Variants in RAP1GAP observed in about 807,000 individuals in gnomAD.
RAP1GAP encodes the protein rap1 GTPase-activating protein 1.
In RAP1GAP, 35 loss-of-function variants were observed where a neutral mutation model predicts 87.2. That is an observed-to-expected ratio of 0.40 (90% CI 0.31 to 0.53). The LOEUF is 0.53. RAP1GAP is among the 20% of genes least tolerant of loss of function. The probability of loss-of-function intolerance (pLI) is 0.48; values close to 1 mark genes in which losing one functional copy is unlikely to be tolerated. For missense variants in RAP1GAP, 734 were observed against 898.9 expected (o/e 0.82, Z 2.35); for synonymous variants, 375 against 363.9 (o/e 1.03, Z -0.35).
intron 2 of RAP1GAP, among the ~76,000 whole-genome samples, chr1:21,643,422 G>A (rs1048565523): frequency 1.3e-5 from 2 of 152,046 alleles, no homozygotes; most frequent in Non-Finnish European, 2.9e-5. Context: ...GCTGGGCATG[G>A]TGGCACACGC....
In RAP1GAP at chr1:21,603,022, A is replaced by G; in HGVS notation, c.1429-109T>C. 2 of 733,102 alleles carry G rather than the reference A, an allele frequency of 2.7e-6. No homozygotes were observed. Among genetic ancestry groups the G allele is most frequent in the Non-Finnish European group, 4.4e-6 (2 of 451,720 alleles). 45.4% of individuals were successfully genotyped at this position (733,102 alleles called of 1,614,324 possible). A position where few individuals can be genotyped will look rare whatever the true frequency, so the allele number is the denominator to read the frequency against. ...CCCAGGCCCTGAAGCAGAGTTGATG[A>G]GCAAGAAAGAACGAGAGAAGATATC... On this transcript the variant is annotated intron_variant, in intron 18 of 24. Coordinates refer to ENST00000374765, the MANE Select transcript of RAP1GAP (RefSeq NM_002885.4). This position sits in a 1 kb window ranked among gnomAD's most constrained non-coding sequence, Gnocchi z 6.0.
At chr1:21,656,423 A>C (rs79574920) in intron 1 of RAP1GAP, among the ~76,000 whole-genome samples, 4 of 129,534 alleles carry the variant, frequency 3.1e-5, no homozygotes, top group South Asian at 2.4e-4. Flanking sequence ...CATCTAAAAA[A>C]AAAAAAAAAA....
At chr1:21,627,626 G>C (rs1263142523) in intron 2 of RAP1GAP, among the ~76,000 whole-genome samples, 2 of 151,902 alleles carry the variant, frequency 1.3e-5, no homozygotes, top group Admixed American at 1.3e-4. Context: ...TGTTGGTCAG[G>C]CTGGTCTCGA....
In RAP1GAP at chr1:21,640,200, T is replaced by C. The variant is rs895529896; in HGVS notation, c.-113+9561A>G. Among the ~76,000 whole-genome samples, 93 of 151,984 alleles carry C rather than the reference T, an allele frequency of 6.1e-4. 4 individuals are homozygous for C. Among genetic ancestry groups the C allele is most frequent in the East Asian group, 3.9e-4 (2 of 5,154 alleles). ...CTGTGCCCCCTGCCTGTTACCCCCTTCCCGTCCGCTTGGATCACATTTCAG... is the reference window on the plus strand; with the variant it reads ...CTGTGCCCCCTGCCTGTTACCCCCTCCCCGTCCGCTTGGATCACATTTCAG... On this transcript the variant is annotated intron_variant, in intron 2 of 24. Coordinates refer to ENST00000374765, the MANE Select transcript of RAP1GAP (RefSeq NM_002885.4).
At chr1:21,644,551 G>A (rs1307703643) in intron 2 of RAP1GAP, among the ~76,000 whole-genome samples, 1 of 152,140 alleles carries the variant, frequency 6.6e-6, no homozygotes, top group Non-Finnish European at 1.5e-5. Context: ...AGCCTGGCAC[G>A]CGCTCAGCTC....
intron 16 of RAP1GAP, 50 bp from the exon 17 acceptor site, chr1:21,608,400 C>T (rs1293507392): frequency 1.3e-6 from 2 of 1,586,360 alleles, no homozygotes; most frequent in Non-Finnish European, 1.7e-6. Context: ...ATCAGCCCTT[C>T]GGCCCACAGT....
chr1:21,664,749 A>AT lies in RAP1GAP; in HGVS notation c.-149+4504dup, dbSNP rs11286737. 2.1e-3 allele frequency among the ~76,000 whole-genome samples: 317 copies of AT among 151,678 alleles called. 2 individuals are homozygous for AT. Among genetic ancestry groups the AT allele is most frequent in the Non-Finnish European group, 3.5e-3 (235 of 67,916 alleles). On this transcript the variant is annotated intron_variant, in intron 1 of 24. Coordinates refer to ENST00000374765, the MANE Select transcript of RAP1GAP (RefSeq NM_002885.4). ...CAAAACACTGAAGAAAAGGCTTATT[A>AT]TTTTTTTTTTCTGGCTGTAGAGAAG...
Position 21,615,541 on chromosome 1 carries a change from A to C in RAP1GAP, c.292-1452T>G, listed in dbSNP as rs2081474086. ...TGAGTAGCTGGGATTACAGGCGCCC[A>C]GCACCACACCTGGCTAATTTTTGTA... On this transcript the variant is annotated intron_variant, in intron 7 of 24. Transcript: ENST00000374765. The surrounding 1 kb of genome is among the most constrained non-coding windows in gnomAD (Gnocchi z 4.5). 6.6e-6 allele frequency among the ~76,000 whole-genome samples: 1 copy of C among 152,102 alleles called. No homozygotes were observed. Among genetic ancestry groups the C allele is most frequent in the South Asian group, 2.1e-4 (1 of 4,826 alleles).
chr1:21,605,888 G>A (rs1053021425), intron 18 of RAP1GAP, among the ~76,000 whole-genome samples, 178 bp downstream of exon 18: 1 of 152,246 alleles, frequency 6.6e-6, no homozygotes, highest in Non-Finnish European at 1.5e-5. Context: ...GCAGTGTCCT[G>A]GCCTGGGCAC....
chr1:21,648,491 A>T (rs964272721), intron 2 of RAP1GAP, among the ~76,000 whole-genome samples: 24 of 152,162 alleles, frequency 1.6e-4, no homozygotes, highest in Admixed American at 1.4e-3. Flanking sequence ...TCCGGGCTTC[A>T]TTGTTCTCAT....
At chr1:21,630,910 C>T (rs146255733) in intron 2 of RAP1GAP, among the ~76,000 whole-genome samples, 16 of 152,228 alleles carry the variant, frequency 1.1e-4, no homozygotes, top group African/African-American at 3.4e-4. Flanking sequence ...CTCACCAGCC[C>T]TCTGCCCTTC....
chr1:21,601,326 C>T (rs537962426), intron 20 of RAP1GAP, among the ~76,000 whole-genome samples: 206 of 152,032 alleles, frequency 1.4e-3, no homozygotes, highest in African/African-American at 4.6e-3. Flanking sequence ...TCCCCGAGGA[C>T]CCATCTAAAA....
chr1:21,623,770 A>G (rs2090327688), intron 3 of RAP1GAP, among the ~76,000 whole-genome samples: 1 of 152,240 alleles, frequency 6.6e-6, no homozygotes, highest in East Asian at 1.9e-4. Flanking sequence ...CCAGGCCTGA[A>G]TGCTTCCGGG....
chr1:21,610,283 C>T lies in RAP1GAP; in HGVS notation c.844-8G>A. The T allele has an allele frequency of 6.2e-7, 1 of 1,613,916 alleles. No individual in the cohort carries two copies. The highest frequency in any genetic ancestry group is 1.1e-5 in the South Asian group (1 of 91,074). On this transcript the variant is annotated splice_region_variant and splice_polypyrimidine_tract_variant and intron_variant, in intron 13 of 24. Transcript: ENST00000374765. ...GTGCCGCTTCCGCTGCAACTGAGCA[C>T]AAAGCCACGGGCCTTCGTGGTCTGG...
rs148576595 is a variant in RAP1GAP, at chr1:21,641,798, C to T, written c.-113+7963G>A. Among the ~76,000 whole-genome samples the T allele has an allele frequency of 5.8e-3, 879 of 152,308 alleles. 6 individuals are homozygous for T. The highest frequency in any genetic ancestry group is 0.012 in the Admixed American group (179 of 15,294). ...GTCAAACTTAGGGACAAGCTAACTC[C>T]ACTAGAACCCCAGCACATCAGAGTG... On this transcript the variant is annotated intron_variant, in intron 2 of 24. Coordinates refer to ENST00000374765, the MANE Select transcript of RAP1GAP (RefSeq NM_002885.4).
chr1:21,622,368 C>T lies in RAP1GAP; in HGVS notation c.-18-2318G>A. The T allele has an allele frequency of 2.2e-6, 1 of 454,512 alleles. No individual in the cohort carries two copies. 28.2% of individuals were successfully genotyped at this position (454,512 alleles called of 1,614,324 possible). A position where few individuals can be genotyped will look rare whatever the true frequency, so the allele number is the denominator to read the frequency against. On this transcript the variant is annotated intron_variant, in intron 3 of 24. Coordinates refer to ENST00000374765, the MANE Select transcript of RAP1GAP (RefSeq NM_002885.4). The surrounding 1 kb of genome is among the most constrained non-coding windows in gnomAD (Gnocchi z 5.7). ...CAGCTGGCCCCCGCGGGCAGCGAGCCCCTCCGCGGACGGCCGGGTGGCACC... is the reference window on the plus strand; with the variant it reads ...CAGCTGGCCCCCGCGGGCAGCGAGCTCCTCCGCGGACGGCCGGGTGGCACC...
intron 2 of RAP1GAP, among the ~76,000 whole-genome samples, chr1:21,636,951 AGGGAGGGAGGGAGGAAGGG>A (rs1286580164): frequency 1.3e-4 from 7 of 53,214 alleles, no homozygotes; most frequent in African/African-American, 4.4e-4. Flanking sequence ...GGAGGAAGGG[AGGGAGGGAGGGAGGAAGGG>A]AAAGCAACCT....
intron 2 of RAP1GAP, among the ~76,000 whole-genome samples, chr1:21,642,508 G>A (rs190705407): frequency 3.3e-5 from 5 of 152,312 alleles, no homozygotes; most frequent in African/African-American, 9.6e-5. Flanking sequence ...TGCGGTCCCA[G>A]CCCAGACTCT....
At chr1:21,607,249 A>G (rs2075276958) in intron 17 of RAP1GAP, among the ~76,000 whole-genome samples, 3 of 152,160 alleles carry the variant, frequency 2.0e-5, no homozygotes, top group Admixed American at 2.0e-4. Flanking sequence ...CACTCCCCAC[A>G]CTTCTCATTT....
Sources: allele counts gnomAD v4.1 joint callset (sites outside exome capture counted in the v4.1 genomes callset), GRCh38; gene constraint gnomAD v4.1.1; non-coding constraint Gnocchi (gnomAD v3.1); transcripts MANE v1.5; gene names NCBI Gene and HGNC (gene_info 2026-07-23, HGNC 2026-07-21).